HDLBP: variants seen among roughly 807,000 people sequenced by gnomAD.
HDLBP encodes vigilin.
In HDLBP, 30 loss-of-function variants were observed where a neutral mutation model predicts 137.3. That is an observed-to-expected ratio of 0.22 (90% CI 0.16 to 0.30). The LOEUF (loss-of-function observed/expected upper bound fraction) is 0.30. Among genes scored for constraint, HDLBP ranks in the 10% least tolerant of loss-of-function variants. The pLI is 1.00. For missense variants in HDLBP, 1,119 were observed against 1,667.3 expected (o/e 0.67, Z 5.73); for synonymous variants, 606 against 596.0 (o/e 1.02, Z -0.24).
chr2:241,278,660 C>T (rs1033265930), intron 1 of HDLBP, among the ~76,000 whole-genome samples: 1 of 151,866 alleles, frequency 6.6e-6, no homozygotes, highest in Non-Finnish European at 1.5e-5. Context: ...TAAGCCAGGG[C>T]AGTATGGCAA....
At position 241,255,424 on chromosome 2, in the gene HDLBP, G is replaced by A. The variant is rs1231378912; in HGVS notation, c.1030C>T (p.Arg344Ter). Residue 344 changes from arginine (R) to a stop codon, truncating the protein, a stop_gained, in exon 8 of 28, where the codon CGA (arginine) becomes TGA (stop). Coordinates refer to ENST00000310931, the MANE Select transcript of HDLBP (RefSeq NM_005336.6). LOFTEE classifies it high-confidence loss of function. ...SDSISETVIL[R>*]GEPEKLGQAL... ...TGACCTAACTTTTCAGGTTCGCCTC[G>A]AAGTATTACAGTCTCAGAGATGCTG... 3 of 1,614,180 alleles carry A rather than the reference G, an allele frequency of 1.9e-6. No homozygotes were observed. Among genetic ancestry groups the A allele is most frequent in the Non-Finnish European group, 2.5e-6 (3 of 1,180,022 alleles).
At chr2:241,277,688 G>A (rs1399355427) in intron 1 of HDLBP, among the ~76,000 whole-genome samples, 4 of 152,212 alleles carry the variant, frequency 2.6e-5, no homozygotes, top group East Asian at 1.9e-4. Context: ...AAGGCCGGGC[G>A]AGGTGGCTCA....
chr2:241,240,176 T>A lies in HDLBP; in HGVS notation c.2170-54A>T. 1 of 1,554,958 alleles carries A rather than the reference T, an allele frequency of 6.4e-7. No individual in the cohort carries two copies. Among genetic ancestry groups the A allele is most frequent in the Non-Finnish European group, 8.9e-7 (1 of 1,126,108 alleles). On this transcript the variant is annotated intron_variant, in intron 17 of 27. Transcript: ENST00000310931. This position sits in a 1 kb window ranked among gnomAD's most constrained non-coding sequence, Gnocchi z 5.5. The stretch of plus-strand genomic sequence containing the variant: ...CTGACACCACGTGCCTGGACCACAG[T>A]GAGGAAGACAAGAGGGTCTGTAGGA...
At chr2:241,235,786 T>G (rs2070334104) in intron 21 of HDLBP, among the ~76,000 whole-genome samples, 192 bp from the exon 22 acceptor site, 1 of 152,248 alleles carries the variant, frequency 6.6e-6, no homozygotes, top group Non-Finnish European at 1.5e-5. Context: ...AGGCTAATGC[T>G]GGCAGACAGA....
intron 6 of HDLBP, 31 bp downstream of exon 6, chr2:241,256,569 C>A (rs1460601113): frequency 1.2e-6 from 2 of 1,606,488 alleles, no homozygotes; most frequent in East Asian, 2.2e-5. Context: ...AGCAGGTAGG[C>A]AGGGGCACGA....
Position 241,272,818 on chromosome 2 carries a change from AGCCGGGACGCTCCGAGGC to A in HDLBP, c.-102-4295_-102-4278del. 1 of 278,190 alleles carries A rather than the reference AGCCGGGACGCTCCGAGGC, an allele frequency of 3.6e-6. No homozygotes were observed. 17.2% of individuals were successfully genotyped at this position (278,190 alleles called of 1,614,324 possible). On this transcript the variant is annotated intron_variant, in intron 1 of 27. Coordinates refer to ENST00000310931, the MANE Select transcript of HDLBP (RefSeq NM_005336.6). The surrounding 1 kb of genome is among the most constrained non-coding windows in gnomAD (Gnocchi z 5.6). Reference sequence around the variant, plus strand: ...GCTTACTCGCCCCCCGCGCGGGAGAAGCCGGGACGCTCCGAGGCGCGGCGCCCGGGCCCCGGCTGCTAT... The same window carrying A: ...GCTTACTCGCCCCCCGCGCGGGAGAAGCGGCGCCCGGGCCCCGGCTGCTAT...
At chr2:241,265,208 C>T (rs545822679) in intron 3 of HDLBP, among the ~76,000 whole-genome samples, 2 of 152,324 alleles carry the variant, frequency 1.3e-5, no homozygotes, top group African/African-American at 4.8e-5. Flanking sequence ...CACCTGAGGT[C>T]GGGAGTTCGA....
chr2:241,279,987 A>T, intron 1 of HDLBP: 1 of 985,396 alleles, frequency 1.0e-6, no homozygotes, highest in South Asian at 4.7e-5. Context: ...AGGGGTTAGG[A>T]GGAGCAGCGG....
At chr2:241,231,251 G>T (rs1024372099) in intron 24 of HDLBP, 16 of 252,810 alleles carry the variant, frequency 6.3e-5, no homozygotes, top group Admixed American at 1.5e-4. Context: ...GGGCGTGGTG[G>T]TGCACGCCTG....
intron 1 of HDLBP, among the ~76,000 whole-genome samples, chr2:241,300,122 A>G (rs2075339612): frequency 6.6e-6 from 1 of 152,138 alleles, no homozygotes; most frequent in African/African-American, 2.4e-5. Context: ...AAACCACCAG[A>G]AAGCATCAAG....
rs112681078 is a variant in HDLBP, at chr2:241,257,420, G to A, written c.451-614C>T. On this transcript the variant is annotated intron_variant, in intron 5 of 27. Coordinates refer to ENST00000310931, the MANE Select transcript of HDLBP (RefSeq NM_005336.6). ...GCTAATTTTTATATTTTTAGTAGAG[G>A]CAGGGTTTCACCATGTTGGCCCCGA... 2.0e-4 allele frequency among the ~76,000 whole-genome samples: 31 copies of A among 152,194 alleles called. 1 individual carries two copies. The highest frequency in any genetic ancestry group is 7.5e-4 in the African/African-American group (31 of 41,530).
chr2:241,277,233 C>T (rs188393665), intron 1 of HDLBP, among the ~76,000 whole-genome samples: 1 of 152,080 alleles, frequency 6.6e-6, no homozygotes, highest in East Asian at 1.9e-4. Context: ...TTTAAGCCAT[C>T]CTATTAGTGA....
rs1395958292 is a variant in HDLBP, at chr2:241,238,090, T to C, written c.2749+559A>G. Among the ~76,000 whole-genome samples the C allele has an allele frequency of 6.6e-6, 1 of 152,216 alleles. No homozygotes were observed. The highest frequency in any genetic ancestry group is 6.5e-5 in the Admixed American group (1 of 15,288). ...GAGGGCATACCTTTTGTTTCACAAATGCAGAGCAAGTGAGAGAGAGGCAAC... is the reference window on the plus strand; with the variant it reads ...GAGGGCATACCTTTTGTTTCACAAACGCAGAGCAAGTGAGAGAGAGGCAAC... On this transcript the variant is annotated intron_variant, in intron 20 of 27. Coordinates refer to ENST00000310931, the MANE Select transcript of HDLBP (RefSeq NM_005336.6). This position sits in a 1 kb window ranked among gnomAD's most constrained non-coding sequence, Gnocchi z 4.9.
At chr2:241,242,935 G>T in intron 16 of HDLBP, 1 of 538,480 alleles carries the variant, frequency 1.9e-6, no homozygotes, top group South Asian at 2.1e-5. Flanking sequence ...AGGACCCAGA[G>T]TCCTCGTGAA....
At chr2:241,265,262 T>C (rs2073565442) in intron 3 of HDLBP, among the ~76,000 whole-genome samples, 1 of 152,090 alleles carries the variant, frequency 6.6e-6, no homozygotes, top group African/African-American at 2.4e-5. Context: ...CTACTAATAA[T>C]ACAAATTAGC....
Position 241,272,500 on chromosome 2 carries a change from T to G in HDLBP, c.-102-3959A>C. The G allele has an allele frequency of 3.0e-6, 3 of 983,972 alleles. No individual in the cohort carries two copies. Among genetic ancestry groups the G allele is most frequent in the Non-Finnish European group, 3.6e-6 (3 of 829,496 alleles). The allele number at this position is 983,972 out of a possible 1,614,324, so 61.0% of individuals were successfully genotyped here. A position where few individuals can be genotyped will look rare whatever the true frequency, so the allele number is the denominator to read the frequency against. On this transcript the variant is annotated intron_variant, in intron 1 of 27. Coordinates refer to ENST00000310931, the MANE Select transcript of HDLBP (RefSeq NM_005336.6). The surrounding 1 kb of genome is among the most constrained non-coding windows in gnomAD (Gnocchi z 5.6). Reference sequence around the variant, plus strand: ...GCGCCACCGGACTTGAGAAAGTTTGTGCGCGCCCCTCCGCGCCACGGCCAC... The same window carrying G: ...GCGCCACCGGACTTGAGAAAGTTTGGGCGCGCCCCTCCGCGCCACGGCCAC...
intron 4 of HDLBP, among the ~76,000 whole-genome samples, chr2:241,264,179 T>C (rs1037985828): frequency 2.0e-5 from 3 of 151,566 alleles, no homozygotes; most frequent in African/African-American, 7.3e-5. Context: ...CTTGTTAAGA[T>C]GGTGAAACCC....
chr2:241,257,406 T>C (rs1173654012), intron 5 of HDLBP, among the ~76,000 whole-genome samples: 1 of 152,196 alleles, frequency 6.6e-6, no homozygotes, highest in Non-Finnish European at 1.5e-5. Context: ...CTAATTTTTA[T>C]ATTTTTAGTA....
chr2:241,236,854 C>T, intron 20 of HDLBP, 85 bp from the exon 21 acceptor site: 1 of 1,432,894 alleles, frequency 7.0e-7, no homozygotes, highest in East Asian at 2.3e-5. Context: ...CTGTGAGGCA[C>T]CTGCTGGGTG....
Sources: allele counts gnomAD v4.1 joint callset (sites outside exome capture counted in the v4.1 genomes callset), GRCh38; gene constraint gnomAD v4.1.1; non-coding constraint Gnocchi (gnomAD v3.1); transcripts MANE v1.5; gene names NCBI Gene and HGNC (gene_info 2026-07-23, HGNC 2026-07-21).